The following ATL2 variants were observed in gnomAD, a reference collection of about 807,000 sequenced individuals.
The protein encoded by ATL2 is atlastin-2.
A neutral mutation model predicts 73.9 loss-of-function variants in ATL2; 31 were observed. That is an observed-to-expected ratio of 0.42 (90% CI 0.32 to 0.57). ATL2 has a LOEUF of 0.57. ATL2 is among the 20% of genes least tolerant of loss of function. The pLI is 0.14. For missense variants in ATL2, 738 were observed against 702.6 expected, an observed-to-expected ratio of 1.05 and a Z score of -0.57; for synonymous variants, 291 against 237.5, an observed-to-expected ratio of 1.23 and a Z score of -2.07.
At chr2:38,322,843 C>T (rs1254492697) in intron 2 of ATL2, among the ~76,000 whole-genome samples, 1 of 152,174 alleles carries the variant, frequency 6.6e-6, no homozygotes, top group Non-Finnish European at 1.5e-5. Context: ...GATGCCACCA[C>T]ACTCCAGCCT....
chr2:38,334,476 C>T (rs377343373), intron 2 of ATL2, among the ~76,000 whole-genome samples: 5 of 151,752 alleles, frequency 3.3e-5, no homozygotes, highest in Admixed American at 6.6e-5. Context: ...CTGAGGTGGG[C>T]GGATCACCTG....
At chr2:38,376,661 G>T (rs942390625) in intron 1 of ATL2, 2 of 152,544 alleles carry the variant, frequency 1.3e-5, no homozygotes, top group Non-Finnish European at 2.9e-5. Context: ...CTCCTCCGCG[G>T]GGCCCATCAT....
intron 12 of ATL2, 64 bp from the exon 13 acceptor site, chr2:38,296,177 AAT>A (rs1462239981): frequency 1.4e-6 from 2 of 1,470,366 alleles, no homozygotes; most frequent in South Asian, 1.4e-5. Context: ...TACATATAAA[AAT>A]AGATATAAAA....
upstream of ATL2, among the ~76,000 whole-genome samples, chr2:38,377,818 T>C (rs1672078474): frequency 6.7e-6 from 1 of 149,780 alleles, no homozygotes; most frequent in Admixed American, 6.7e-5. Flanking sequence ...TTCCTCTTGA[T>C]CTTTTCTTTC....
chr2:38,373,615 G>C lies in ATL2; in HGVS notation c.118+3528C>G, dbSNP rs886483403. On this transcript the variant is annotated intron_variant, in intron 1 of 12. Transcript: ENST00000378954. ...ACAGCCATTTGTCTCAGAGTAGGTA[G>C]TGAAGGTGGCTACTTAAATACACAC... 4.5e-4 allele frequency among the ~76,000 whole-genome samples: 69 copies of C among 152,316 alleles called. 1 individual carries two copies. The highest frequency in any genetic ancestry group is 1.6e-3 in the African/African-American group (67 of 41,564).
rs866759403 is a variant in ATL2 at position 38,294,270 on chromosome 2, C to T, written c.*1724G>A. 5.9e-5 allele frequency among the ~76,000 whole-genome samples: 9 copies of T among 152,210 alleles called. No homozygotes were observed. The highest frequency in any genetic ancestry group is 1.9e-4 in the East Asian group (1 of 5,196). ...TTCGCTTAAAAAGCAAACTAAGGGC[C>T]GGGCGCGGTGGCTCACGCCTGTAAT... On this transcript the variant is annotated 3_prime_UTR_variant, in exon 13 of 13. Transcript: ENST00000378954.
chr2:38,302,655 A>G (rs922295003), intron 9 of ATL2, among the ~76,000 whole-genome samples: 1 of 152,198 alleles, frequency 6.6e-6, no homozygotes, highest in Non-Finnish European at 1.5e-5. Context: ...GTAATGGAAG[A>G]GAACAAGAGT....
chr2:38,354,408 T>A (rs1339258281), intron 1 of ATL2, among the ~76,000 whole-genome samples: 1 of 152,166 alleles, frequency 6.6e-6, no homozygotes, highest in African/African-American at 2.4e-5. Flanking sequence ...ATAAAGTATG[T>A]AGAAGTACAA....
chr2:38,315,236 A>G, intron 5 of ATL2, 48 bp downstream of exon 5: 1 of 1,415,250 alleles, frequency 7.1e-7, no homozygotes, highest in Non-Finnish European at 9.2e-7. Context: ...GGGGAACAAG[A>G]GCGAAACTCC....
chr2:38,317,287 A>G (rs1437015569), intron 4 of ATL2, among the ~76,000 whole-genome samples: 2 of 152,204 alleles, frequency 1.3e-5, no homozygotes, highest in Admixed American at 1.3e-4. Context: ...CACCATCACC[A>G]GCTGGGCCTA....
intron 1 of ATL2, among the ~76,000 whole-genome samples, chr2:38,356,243 G>C (rs1670660749): frequency 6.6e-6 from 1 of 151,248 alleles, no homozygotes; most frequent in Non-Finnish European, 1.5e-5. Flanking sequence ...TTTGAGACAG[G>C]GTTTCACTCT....
chr2:38,337,028 G>A (rs1163488653), intron 2 of ATL2, among the ~76,000 whole-genome samples: 1 of 152,094 alleles, frequency 6.6e-6, no homozygotes, highest in East Asian at 1.9e-4. Context: ...GATGTAATCT[G>A]CAAATCCAGA....
At chr2:38,363,894 T>C (rs1355230445) in intron 1 of ATL2, among the ~76,000 whole-genome samples, 1 of 152,328 alleles carries the variant, frequency 6.6e-6, no homozygotes, top group East Asian at 1.9e-4. Flanking sequence ...TTATCTAAAC[T>C]AGGGTTATCA....
chr2:38,362,716 GAAC>G (rs977734264), intron 1 of ATL2, among the ~76,000 whole-genome samples: 3 of 152,232 alleles, frequency 2.0e-5, no homozygotes, highest in South Asian at 2.1e-4. Context: ...ACAAAATTAA[GAAC>G]AACAACAAAA....
intron 9 of ATL2, among the ~76,000 whole-genome samples, chr2:38,307,114 T>C (rs1342050121): frequency 2.0e-5 from 3 of 152,164 alleles, no homozygotes; most frequent in East Asian, 1.9e-4. Context: ...TCCCAGCACT[T>C]TGGGAGGCAG....
chr2:38,364,827 G>A (rs1207039502), intron 1 of ATL2, among the ~76,000 whole-genome samples: 4 of 151,880 alleles, frequency 2.6e-5, no homozygotes, highest in Non-Finnish European at 1.5e-5. Context: ...GGTGGATCAC[G>A]AGGTCAGGAG....
rs200721373 is a variant in ATL2 at position 38,349,038 on chromosome 2, G to T, written c.119-5526C>A. 4.0e-5 allele frequency among the ~76,000 whole-genome samples: 6 copies of T among 150,890 alleles called. No homozygotes were observed. The East Asian group carries it at 1.2e-3, about 29-fold the overall frequency. On this transcript the variant is annotated intron_variant, in intron 1 of 12. Transcript: ENST00000378954. ...TCAGGAAACAACAGGTGCTGGAGAG[G>T]ATGTGGAGAAATAGGAACACTTTTA...
At chr2:38,308,214 A>G (rs1283244221) in intron 9 of ATL2, among the ~76,000 whole-genome samples, 1 of 152,240 alleles carries the variant, frequency 6.6e-6, no homozygotes, top group Non-Finnish European at 1.5e-5. Context: ...GTGTCTATCA[A>G]TATACGAATG....
At chr2:38,303,720 T>C (rs985434798) in intron 9 of ATL2, among the ~76,000 whole-genome samples, 1 of 152,044 alleles carries the variant, frequency 6.6e-6, no homozygotes, top group Admixed American at 6.6e-5. Flanking sequence ...AACAAAGAAC[T>C]ACCCAAACCT....
Sources: allele counts gnomAD v4.1 joint callset (sites outside exome capture counted in the v4.1 genomes callset), GRCh38; gene constraint gnomAD v4.1.1; transcripts MANE v1.5; gene names NCBI Gene and HGNC (gene_info 2026-07-23, HGNC 2026-07-21).